Variants in SPOCK1 observed in about 807,000 individuals in gnomAD.
SPOCK1 encodes testican-1.
Under a neutral mutation model 55.3 loss-of-function variants are expected in SPOCK1, and 23 were observed. The observed-to-expected ratio is 0.42, with a 90% confidence interval of 0.30 to 0.59. SPOCK1 has a LOEUF of 0.59. Among genes scored for constraint, SPOCK1 ranks in the 20% least tolerant of loss-of-function variants. SPOCK1 has a pLI of 0.22. For synonymous variants in SPOCK1, 226 were observed against 221.0 expected (o/e 1.02, Z -0.20); for missense variants, 499 against 552.5 (o/e 0.90, Z 0.97).
At chr5:137,068,881 G>A (rs765637538) in intron 5 of SPOCK1, among the ~76,000 whole-genome samples, 3 of 152,106 alleles carry the variant, frequency 2.0e-5, no homozygotes, top group Admixed American at 1.3e-4. Flanking sequence ...GATCAAGACC[G>A]GTGTGTAATC....
chr5:137,055,722 A>G (rs1752288509), intron 6 of SPOCK1, among the ~76,000 whole-genome samples: 1 of 152,222 alleles, frequency 6.6e-6, no homozygotes, highest in African/African-American at 2.4e-5. Flanking sequence ...TCTGTCATCA[A>G]GGCAAAAATA....
intron 2 of SPOCK1, among the ~76,000 whole-genome samples, chr5:137,496,989 A>C (rs541205256): frequency 6.6e-6 from 1 of 152,336 alleles, no homozygotes; most frequent in South Asian, 2.1e-4. Context: ...AAAGAAGAGG[A>C]GGAACAGAGA....
intron 2 of SPOCK1, 28 bp from the exon 3 acceptor site, chr5:137,267,083 G>T (rs1433135196): frequency 3.1e-6 from 5 of 1,595,862 alleles, no homozygotes; most frequent in Non-Finnish European, 4.3e-6. Context: ...AGAAAACAAA[G>T]GTCAGAGTTC....
chr5:137,036,775 C>T (rs753944654), intron 6 of SPOCK1, among the ~76,000 whole-genome samples: 1 of 152,174 alleles, frequency 6.6e-6, no homozygotes, highest in Non-Finnish European at 1.5e-5. Flanking sequence ...CTGAGCACTG[C>T]CCCCAGGCTA....
chr5:137,303,387 C>T (rs1757641386), intron 2 of SPOCK1, among the ~76,000 whole-genome samples: 1 of 151,914 alleles, frequency 6.6e-6, no homozygotes, highest in Admixed American at 6.6e-5. Flanking sequence ...TTATTGAATG[C>T]TTATGATTAT....
At chr5:137,379,239 A>C (rs1751404801) in intron 2 of SPOCK1, among the ~76,000 whole-genome samples, 1 of 148,952 alleles carries the variant, frequency 6.7e-6, no homozygotes, top group Admixed American at 6.7e-5. Context: ...GCATGGAACT[A>C]ATAATGTCAG....
chr5:137,063,010 G>A (rs1752423407), intron 6 of SPOCK1, among the ~76,000 whole-genome samples: 1 of 150,976 alleles, frequency 6.6e-6, no homozygotes. Flanking sequence ...CGAGGCGGGT[G>A]GATCATGAGG....
chr5:137,390,606 T>C (rs764973587), intron 2 of SPOCK1, among the ~76,000 whole-genome samples: 13 of 152,144 alleles, frequency 8.5e-5, no homozygotes, highest in African/African-American at 1.2e-4. Flanking sequence ...ACAAAGAGAT[T>C]GAGAGAAACA....
At chr5:137,187,387 A>T (rs188076441) in intron 3 of SPOCK1, among the ~76,000 whole-genome samples, 78 of 152,244 alleles carry the variant, frequency 5.1e-4, no homozygotes, top group Admixed American at 1.3e-3. Flanking sequence ...TAGTTAACAA[A>T]GCCAGAAACT....
At chr5:137,313,541 G>T (rs901622993) in intron 2 of SPOCK1, 6 of 956,344 alleles carry the variant, frequency 6.3e-6, no homozygotes, top group Non-Finnish European at 6.2e-6. Flanking sequence ...AGAGTCACAG[G>T]CTCCAGCCTG....
At chr5:137,255,373 A>G (rs1235656388) in intron 3 of SPOCK1, among the ~76,000 whole-genome samples, 4 of 152,228 alleles carry the variant, frequency 2.6e-5, no homozygotes, top group African/African-American at 9.6e-5. Flanking sequence ...CAGTTACAGA[A>G]GTATACAGAA....
At chr5:137,191,794 A>G (rs1255771945) in intron 3 of SPOCK1, among the ~76,000 whole-genome samples, 1 of 152,208 alleles carries the variant, frequency 6.6e-6, no homozygotes, top group Admixed American at 6.5e-5. Context: ...AACAATACCT[A>G]AAGTCTACTA....
At chr5:137,091,674 C>A (rs1413441628) in intron 5 of SPOCK1, among the ~76,000 whole-genome samples, 1 of 152,174 alleles carries the variant, frequency 6.6e-6, no homozygotes, top group Non-Finnish European at 1.5e-5. Flanking sequence ...CACAGACTGG[C>A]CCTCCCCTTC....
intron 2 of SPOCK1, among the ~76,000 whole-genome samples, chr5:137,344,121 G>T (rs1310026198): frequency 1.3e-5 from 2 of 152,198 alleles, no homozygotes; most frequent in Non-Finnish European, 2.9e-5. Flanking sequence ...TTATCGCAAA[G>T]AGATTCTGGG....
At chr5:137,162,499 T>C (rs1754579100) in intron 3 of SPOCK1, among the ~76,000 whole-genome samples, 1 of 152,160 alleles carries the variant, frequency 6.6e-6, no homozygotes. Context: ...AGATGATTTT[T>C]CCCTTTCCCT....
At chr5:137,229,786 C>G (rs1756014102) in intron 3 of SPOCK1, among the ~76,000 whole-genome samples, 3 of 152,248 alleles carry the variant, frequency 2.0e-5, no homozygotes, top group African/African-American at 4.8e-5. Context: ...CTCAAATCAT[C>G]AGGCATTAGA....
intron 2 of SPOCK1, among the ~76,000 whole-genome samples, chr5:137,446,402 G>C (rs7719419): frequency 0.014 from 2,131 of 152,256 alleles, 24 homozygotes; most frequent in Middle Eastern, 0.034. Context: ...TAGATGCTAA[G>C]AGACAGGAAG....
intron 6 of SPOCK1, among the ~76,000 whole-genome samples, chr5:137,016,158 AC>A (rs1045296073): frequency 6.6e-6 from 1 of 152,194 alleles, no homozygotes. Context: ...CAGACCACTA[AC>A]AAACCCCCGC....
At chr5:137,361,607 C>T (rs975275966) in intron 2 of SPOCK1, among the ~76,000 whole-genome samples, 1 of 151,974 alleles carries the variant, frequency 6.6e-6, no homozygotes, top group African/African-American at 2.4e-5. Context: ...CATTTACACA[C>T]GATTAGGAAT....
Sources: gnomAD v4.1 joint callset for allele counts (sites outside exome capture counted in the v4.1 genomes callset) on GRCh38, gnomAD v4.1.1 for gene constraint, MANE v1.5 for transcripts, NCBI Gene and HGNC (gene_info 2026-07-23, HGNC 2026-07-21) for gene names.